Variants in SHC3 observed in about 807,000 individuals in gnomAD.
SHC3 encodes the protein SHC-transforming protein 3.
Under a neutral mutation model 60.4 loss-of-function variants are expected in SHC3, and 15 were observed. The observed-to-expected ratio is 0.25, with a 90% CI of 0.17 to 0.38. The LOEUF (loss-of-function observed/expected upper bound fraction) is 0.38. SHC3 is among the 10% of genes least tolerant of loss of function. The pLI is 1.00. For synonymous variants in SHC3, 294 were observed against 325.9 expected (o/e 0.90, Z 1.05); for missense variants, 677 against 786.1 (o/e 0.86, Z 1.66).
At chr9:89,089,511 G>A (rs550290624) in intron 2 of SHC3, among the ~76,000 whole-genome samples, 1 of 152,302 alleles carries the variant, frequency 6.6e-6, no homozygotes, top group Admixed American at 6.5e-5. Flanking sequence ...AGCCAGCACT[G>A]CCCTTAGGCA....
chr9:89,102,593 G>A (rs990876392), intron 2 of SHC3, among the ~76,000 whole-genome samples: 2 of 152,094 alleles, frequency 1.3e-5, no homozygotes, highest in Non-Finnish European at 2.9e-5. Flanking sequence ...ATTTTAATTG[G>A]CAGGTTTTTT....
chr9:89,169,417 C>G (rs115882375), intron 1 of SHC3, among the ~76,000 whole-genome samples: 309 of 152,320 alleles, frequency 2.0e-3, no homozygotes, highest in African/African-American at 7.0e-3. Flanking sequence ...TAGTCAAGAA[C>G]ATGGTGTGCT....
intron 1 of SHC3, among the ~76,000 whole-genome samples, chr9:89,133,925 G>A (rs2118175198): frequency 6.6e-6 from 1 of 151,972 alleles, no homozygotes; most frequent in Admixed American, 6.6e-5. Context: ...AAATTGTTCA[G>A]AATATCTACT....
intron 6 of SHC3, among the ~76,000 whole-genome samples, chr9:89,063,137 A>T (rs1277395690): frequency 1.3e-5 from 2 of 152,114 alleles, no homozygotes; most frequent in African/African-American, 2.4e-5. Context: ...TGGCTGTGAC[A>T]GCTTTTTTTT....
At chr9:89,156,327 C>T (rs1306490220) in intron 1 of SHC3, among the ~76,000 whole-genome samples, 2 of 152,148 alleles carry the variant, frequency 1.3e-5, no homozygotes, top group African/African-American at 4.8e-5. Flanking sequence ...CCCAGTCAAA[C>T]CTTCGGACGA....
chr9:89,128,296 A>C (rs1276379556), intron 1 of SHC3, among the ~76,000 whole-genome samples: 2 of 152,164 alleles, frequency 1.3e-5, no homozygotes, highest in Non-Finnish European at 2.9e-5. Context: ...AATGGTTTTA[A>C]AGTCACAAAC....
At chr9:89,086,423 A>T (rs1825530870) in intron 2 of SHC3, among the ~76,000 whole-genome samples, 1 of 152,176 alleles carries the variant, frequency 6.6e-6, no homozygotes. Context: ...GTTTATTCTA[A>T]AGGATATTGC....
chr9:89,116,707 G>A (rs771461118), intron 1 of SHC3, among the ~76,000 whole-genome samples: 5 of 151,798 alleles, frequency 3.3e-5, no homozygotes, highest in African/African-American at 4.8e-5. Flanking sequence ...TGTAAATATC[G>A]CCATCAACAT....
Position 89,032,711 on chromosome 9 carries a change from C to T in SHC3, c.1656+5282G>A, listed in dbSNP as rs146707447. ...CCACGTTTCCAGTGATCTCAGTGGA[C>T]GGTGGGAAGGCACAAAGGTTAGTAT... On this transcript the variant is annotated intron_variant, in intron 11 of 11. Transcript: ENST00000375835. Among the ~76,000 whole-genome samples, 106 of 152,182 alleles carry T rather than the reference C, an allele frequency of 7.0e-4. 1 individual carries two copies. The highest frequency in any genetic ancestry group is 1.2e-3 in the Non-Finnish European group (83 of 67,988).
intron 1 of SHC3, among the ~76,000 whole-genome samples, chr9:89,113,363 G>A (rs1410834467): frequency 2.0e-5 from 3 of 152,130 alleles, no homozygotes; most frequent in Non-Finnish European, 2.9e-5. Context: ...AGATACAGAT[G>A]TTTTAGATAA....
intron 5 of SHC3, among the ~76,000 whole-genome samples, 173 bp downstream of exon 5, chr9:89,071,026 C>T (rs920439552): frequency 5.3e-5 from 8 of 152,016 alleles, no homozygotes; most frequent in Non-Finnish European, 1.2e-4. Context: ...CACAGCTTAC[C>T]CCTAAAAATA....
chr9:89,152,801 G>A (rs187426364), intron 1 of SHC3, among the ~76,000 whole-genome samples: 21 of 152,220 alleles, frequency 1.4e-4, no homozygotes, highest in Admixed American at 3.9e-4. Context: ...ATATATTTAT[G>A]AACTCTCTTC....
intron 9 of SHC3, among the ~76,000 whole-genome samples, chr9:89,044,456 C>G (rs1051733893): frequency 4.6e-5 from 7 of 152,126 alleles, no homozygotes; most frequent in African/African-American, 1.7e-4. Context: ...GCATAAATAG[C>G]TATAATGAAG....
intron 1 of SHC3, among the ~76,000 whole-genome samples, chr9:89,166,787 G>C (rs994685243): frequency 1.9e-4 from 29 of 152,160 alleles, no homozygotes; most frequent in African/African-American, 6.5e-4. Context: ...AGGAAAGGCT[G>C]ATTTAGCGGG....
At chr9:89,150,544 C>A (rs1826531554) in intron 1 of SHC3, among the ~76,000 whole-genome samples, 1 of 152,180 alleles carries the variant, frequency 6.6e-6, no homozygotes, top group Non-Finnish European at 1.5e-5. Flanking sequence ...GTACTTCACT[C>A]CTTTTTATGG....
chr9:89,136,396 C>A (rs188779433), intron 1 of SHC3, among the ~76,000 whole-genome samples: 1 of 152,138 alleles, frequency 6.6e-6, no homozygotes, highest in Non-Finnish European at 1.5e-5. Context: ...GCTGATAAAA[C>A]AGCTTATAGC....
intron 1 of SHC3, among the ~76,000 whole-genome samples, chr9:89,115,208 A>G (rs114532421): frequency 1.9e-3 from 284 of 152,292 alleles, no homozygotes; most frequent in African/African-American, 6.6e-3. Flanking sequence ...AGTCATGTCA[A>G]TGCCACCACT....
intron 1 of SHC3, among the ~76,000 whole-genome samples, chr9:89,114,274 T>C (rs1176160190): frequency 6.6e-6 from 1 of 152,146 alleles, no homozygotes; most frequent in Non-Finnish European, 1.5e-5. Context: ...GCCAATGCCA[T>C]AGAGTTATTT....
chr9:89,096,458 A>C (rs563711259), intron 2 of SHC3, among the ~76,000 whole-genome samples: 1 of 152,330 alleles, frequency 6.6e-6, no homozygotes, highest in East Asian at 1.9e-4. Flanking sequence ...TGCATACAAC[A>C]TACAATTAAA....
Sources: gnomAD v4.1 joint callset for allele counts (sites outside exome capture counted in the v4.1 genomes callset) on GRCh38, gnomAD v4.1.1 for gene constraint, MANE v1.5 for transcripts, NCBI Gene and HGNC (gene_info 2026-07-23, HGNC 2026-07-21) for gene names.